Variants in SYTL5 observed in about 807,000 individuals in gnomAD.
SYTL5 encodes the protein synaptotagmin like 5.
In SYTL5, 34 loss-of-function variants were observed where a neutral mutation model predicts 55.9. The ratio of observed to expected loss-of-function variants is 0.61; its 90% confidence interval spans 0.46 to 0.81. SYTL5 has a LOEUF of 0.81. SYTL5 is among the 30% of genes least tolerant of loss of function. The pLI is 0.00. For synonymous variants in SYTL5, 221 were observed against 188.7 expected (o/e 1.17, Z -1.40); for missense variants, 637 against 546.7 (o/e 1.17, Z -1.65).
At chrX:37,993,342 T>C in the SYTL5 span, among the ~76,000 whole-genome samples, 24 of 112,181 alleles carry the variant, frequency 2.1e-4, no homozygotes, top group Non-Finnish European at 4.1e-4. Context: ...CAAAGACTTA[T>C]TTGGGCTTTG....
intron 1 of SYTL5, among the ~76,000 whole-genome samples, chrX:38,010,475 C>T (rs7056855): frequency 0.36 from 39,646 of 110,998 alleles, 5,196 homozygotes; most frequent in Middle Eastern, 0.45. Flanking sequence ...ACGTTCTGAG[C>T]GACCATTCGG....
chrX:38,088,015 A>G (rs1267334725), intron 6 of SYTL5, among the ~76,000 whole-genome samples: 1 of 111,440 alleles, frequency 9.0e-6, no homozygotes, highest in Non-Finnish European at 1.9e-5. Flanking sequence ...TTTTACAAGG[A>G]TATTGGGGGA....
intron 15 of SYTL5, among the ~76,000 whole-genome samples, chrX:38,122,906 TGC>T (rs1380300510): frequency 8.9e-6 from 1 of 112,714 alleles, no homozygotes; most frequent in Non-Finnish European, 1.9e-5. Context: ...AATGCACATG[TGC>T]CAAGCACCAG....
At chrX:37,963,837 T>C in the SYTL5 span, among the ~76,000 whole-genome samples, 1 of 111,897 alleles carries the variant, frequency 8.9e-6, no homozygotes, top group Non-Finnish European at 1.9e-5. Flanking sequence ...GCCTTCAGTT[T>C]TTTATTATTG....
chrX:38,041,973 A>G (rs998240003), intron 2 of SYTL5, among the ~76,000 whole-genome samples: 4 of 111,014 alleles, frequency 3.6e-5, no homozygotes, highest in African/African-American at 6.5e-5. Flanking sequence ...CTTATGCTAG[A>G]AACATTCTAA....
chrX:38,114,119 C>T (rs1397274183), intron 13 of SYTL5, among the ~76,000 whole-genome samples: 2 of 111,581 alleles, frequency 1.8e-5, no homozygotes, highest in African/African-American at 6.5e-5. Flanking sequence ...CTGGGAAACC[C>T]TGAGTTGACA....
At chrX:37,930,343 C>T in the SYTL5 span, among the ~76,000 whole-genome samples, 2 of 111,837 alleles carry the variant, frequency 1.8e-5, no homozygotes, top group Non-Finnish European at 3.8e-5. Context: ...TTTGACCATA[C>T]GAATATGTTT....
At chrX:37,948,388 T>C in the SYTL5 span, among the ~76,000 whole-genome samples, 4 of 110,550 alleles carry the variant, frequency 3.6e-5, no homozygotes, top group Non-Finnish European at 7.6e-5. Context: ...AAAAAGCATA[T>C]ATCATTTCAA....
intron 14 of SYTL5, among the ~76,000 whole-genome samples, chrX:38,121,180 A>G (rs1451344477): frequency 9.0e-6 from 1 of 111,721 alleles, no homozygotes; most frequent in Non-Finnish European, 1.9e-5. Context: ...TATCATGAGG[A>G]CAGCACCAAG....
intron 1 of SYTL5, among the ~76,000 whole-genome samples, chrX:38,021,648 C>A (rs1490985125): frequency 4.5e-5 from 5 of 111,993 alleles, no homozygotes; most frequent in Non-Finnish European, 9.4e-5. Flanking sequence ...ATTTACTGGC[C>A]CCCTTGTAAT....
At chrX:37,924,763 G>C in the SYTL5 span, among the ~76,000 whole-genome samples, 1 of 110,859 alleles carries the variant, frequency 9.0e-6, no homozygotes, top group African/African-American at 3.3e-5. Flanking sequence ...AGTTGTACAT[G>C]TACCCAAAAG....
At chrX:37,943,792 G>C in the SYTL5 span, among the ~76,000 whole-genome samples, 4 of 110,970 alleles carry the variant, frequency 3.6e-5, no homozygotes, top group African/African-American at 9.8e-5. Context: ...GCCACTTAAT[G>C]TCTCCCAGCC....
chrX:38,033,842 C>A lies in SYTL5; in HGVS notation c.-48C>A. ...ATCTTAGTTGTAGATATCAATTCACCTTCTTGAAGATTCAACCACTGCTAC... is the reference window on the plus strand; with the variant it reads ...ATCTTAGTTGTAGATATCAATTCACATTCTTGAAGATTCAACCACTGCTAC... On this transcript the variant is annotated 5_prime_UTR_variant, in exon 2 of 17. Coordinates refer to ENST00000297875, the MANE Select transcript of SYTL5 (RefSeq NM_138780.3). 1 of 718,498 alleles carries A rather than the reference C, an allele frequency of 1.4e-6. No homozygotes were observed. The highest frequency in any genetic ancestry group is 2.1e-6 in the Non-Finnish European group (1 of 474,096). The allele number at this position is 718,498 out of a possible 1,213,427, so 59.2% of individuals were successfully genotyped here.
chrX:37,963,031 A>T, the SYTL5 span, among the ~76,000 whole-genome samples: 1 of 111,651 alleles, frequency 9.0e-6, no homozygotes, highest in Non-Finnish European at 1.9e-5. Context: ...TTAACATGAC[A>T]TGTCTTTCCA....
the SYTL5 span, among the ~76,000 whole-genome samples, chrX:37,986,002 A>C: frequency 9.0e-6 from 1 of 111,587 alleles, no homozygotes. Flanking sequence ...TATATAAAAA[A>C]ATTAACTCAA....
chrX:38,037,412 G>A (rs1370439796), intron 2 of SYTL5, among the ~76,000 whole-genome samples: 1 of 112,108 alleles, frequency 8.9e-6, no homozygotes, highest in Non-Finnish European at 1.9e-5. Flanking sequence ...CCCAGTCTGA[G>A]ACACTATGAA....
chrX:38,087,377 A>C (rs1936683171), intron 6 of SYTL5, among the ~76,000 whole-genome samples: 1 of 112,191 alleles, frequency 8.9e-6, no homozygotes, highest in South Asian at 3.7e-4. Context: ...TGTCAAATGT[A>C]GAAATGTCAT....
chrX:37,948,509 G>A, the SYTL5 span, among the ~76,000 whole-genome samples: 2 of 109,654 alleles, frequency 1.8e-5, no homozygotes, highest in Admixed American at 2.0e-4. Context: ...ATGATGGTTA[G>A]AATTTATATA....
At chrX:37,993,361 T>C in the SYTL5 span, among the ~76,000 whole-genome samples, 2 of 112,145 alleles carry the variant, frequency 1.8e-5, no homozygotes, top group Non-Finnish European at 3.8e-5. Context: ...TGGAGTCACC[T>C]AGATGAGGCA....
Sources: gnomAD v4.1 joint callset for allele counts (sites outside exome capture counted in the v4.1 genomes callset) on GRCh38, gnomAD v4.1.1 for gene constraint, MANE v1.5 for transcripts, NCBI Gene and HGNC (gene_info 2026-07-23, HGNC 2026-07-21) for gene names.